Variants in TCP11 observed in about 807,000 individuals in gnomAD.
TCP11 encodes the protein T-complex protein 11 homolog.
TCP11 carries 34 observed loss-of-function variants against 45.0 expected under a neutral mutation model. That is an observed-to-expected ratio of 0.76 (90% CI 0.57 to 1.01). The LOEUF is 1.01. Among genes scored for constraint, TCP11 ranks in the 50% least tolerant of loss-of-function variants. The probability of loss-of-function intolerance (pLI) is 0.00; values close to 1 mark genes in which losing one functional copy is unlikely to be tolerated. For missense variants in TCP11, 523 were observed against 598.1 expected (o/e 0.87, Z 1.31); for synonymous variants, 227 against 227.0 (o/e 1.00, Z 0.00).
chr6:35,131,620 C>T (rs982129415), intron 3 of TCP11, among the ~76,000 whole-genome samples: 7 of 151,952 alleles, frequency 4.6e-5, no homozygotes, highest in East Asian at 1.9e-4. Flanking sequence ...GAAAAATAAG[C>T]CATCAAGCCA....
At chr6:35,129,776 GTTTTA>G (rs1281207331) in intron 3 of TCP11, among the ~76,000 whole-genome samples, 2 of 151,882 alleles carry the variant, frequency 1.3e-5, no homozygotes, top group East Asian at 1.9e-4. Context: ...AAGGAAATTT[GTTTTA>G]TTTTATTTTT....
In TCP11 at chr6:35,120,333, A is replaced by G. The variant is rs1265433800; in HGVS notation, c.941T>C (p.Leu314Pro). The change falls in exon 8 of 10, where the codon CTG becomes CCG. Residue 314 changes from leucine (L) to proline (P), a missense_variant. By Grantham distance (98) the Leu-to-Pro change is moderately conservative. Coordinates refer to ENST00000311875, the MANE Select transcript of TCP11 (RefSeq NM_001370687.1). The surrounding 1 kb of genome is among the most constrained non-coding windows in gnomAD (Gnocchi z 4.9). ...CTCCTGCAGCCGGGTTCTGTCCATC[A>G]GCAGGGTCTGGGAACCAGGGAAGAA... is the stretch of plus-strand genomic sequence containing the variant. The part of the protein sequence containing the change: ...LENEEFPETL[L>P]MDRTRLQELK... The G allele has an allele frequency of 1.9e-6, 3 of 1,613,486 alleles. No homozygotes were observed. In the African/African-American group the frequency reaches 4.0e-5, roughly 22 times the overall value.
At chr6:35,130,499 G>T (rs115858810) in intron 3 of TCP11, among the ~76,000 whole-genome samples, 2 of 151,920 alleles carry the variant, frequency 1.3e-5, no homozygotes, top group Non-Finnish European at 2.9e-5. Context: ...CTCTTAAAAC[G>T]CAACAATAGG....
chr6:35,121,816 AG>A (rs1227225936), intron 5 of TCP11, among the ~76,000 whole-genome samples: 1 of 144,740 alleles, frequency 6.9e-6, no homozygotes, highest in Non-Finnish European at 1.5e-5. Context: ...TCAAAAAAAA[AG>A]AAAGAAAAAA....
In TCP11 at chr6:35,119,247, GTTC is replaced by G; in HGVS notation, c.1257_1259del (p.Glu419_Asn420delinsAsp). On this transcript the variant is annotated inframe_deletion, in exon 9 of 10. Coordinates refer to ENST00000311875, the MANE Select transcript of TCP11 (RefSeq NM_001370687.1). ...ACTCACCAATAACACTGCAGACACA[GTTC>G]TCCTTCTTGGCAATGTTCTGGAGCT... 1 of 1,614,172 alleles carries G rather than the reference GTTC, an allele frequency of 6.2e-7. No homozygotes were observed. Among genetic ancestry groups the G allele is most frequent in the Non-Finnish European group, 8.5e-7 (1 of 1,180,008 alleles).
chr6:35,137,539 A>G (rs1414119378), intron 2 of TCP11, among the ~76,000 whole-genome samples: 1 of 151,586 alleles, frequency 6.6e-6, no homozygotes, highest in Non-Finnish European at 1.5e-5. Context: ...AAAACTCATT[A>G]CAATATCTTT....
In TCP11 at chr6:35,141,170, CG is replaced by C. The variant is rs113948443; in HGVS notation, c.-15+34del. ...GAGGTGCCCCCCTCGCCCGAAACGC[CG>C]GCCCAGGCCCGCCTCCGGCTCCCAG... is the stretch of plus-strand genomic sequence containing the variant. On this transcript the variant is annotated intron_variant, in intron 1 of 9. Transcript: ENST00000311875. The C allele has an allele frequency of 3.1e-3, 4,135 of 1,330,814 alleles. 124 individuals carry two copies. The African/African-American group carries it at 0.057, about 18-fold the overall frequency. 82.4% of individuals were successfully genotyped at this position (1,330,814 alleles called of 1,614,324 possible).
At position 35,120,831 on chromosome 6, in the gene TCP11, T is replaced by C. The variant is rs35106671; in HGVS notation, c.715+78A>G. On this transcript the variant is annotated intron_variant, in intron 6 of 9. Transcript: ENST00000311875. This position sits in a 1 kb window ranked among gnomAD's most constrained non-coding sequence, Gnocchi z 4.9. Reference sequence around the variant, plus strand: ...GCAACTTTCTATTCCTAAAAAGAGATAGAGTACTCTCTAACATTATAAAAG... The same window carrying C: ...GCAACTTTCTATTCCTAAAAAGAGACAGAGTACTCTCTAACATTATAAAAG... The C allele has an allele frequency of 0.12, 177,780 of 1,508,726 alleles. 11,902 individuals carry two copies. The highest frequency in any genetic ancestry group is 0.14 in the Non-Finnish European group (153,859 of 1,119,920). 93.5% of individuals were successfully genotyped at this position (1,508,726 alleles called of 1,614,324 possible). A position where few individuals can be genotyped will look rare whatever the true frequency, so the allele number is the denominator to read the frequency against.
intron 5 of TCP11, among the ~76,000 whole-genome samples, chr6:35,121,390 C>G (rs728238): frequency 4.0e-5 from 6 of 150,584 alleles, no homozygotes; most frequent in Middle Eastern, 6.5e-3. Flanking sequence ...TTCTGACTCA[C>G]TGGACCAACT....
chr6:35,136,379 G>A (rs1423136474), intron 2 of TCP11, among the ~76,000 whole-genome samples, 161 bp from the exon 3 acceptor site: 3 of 151,318 alleles, frequency 2.0e-5, no homozygotes, highest in Non-Finnish European at 4.4e-5. Context: ...TATGCCCCAC[G>A]ACAGTGCTAG....
intron 4 of TCP11, among the ~76,000 whole-genome samples, chr6:35,127,743 A>C (rs974467129): frequency 3.3e-5 from 5 of 152,190 alleles, no homozygotes; most frequent in African/African-American, 9.7e-5. Context: ...GGATACAATA[A>C]CTATTTGGGC....
At position 35,120,715 on chromosome 6, in the gene TCP11, C is replaced by A; in HGVS notation, c.716-69G>T. 1.3e-6 allele frequency: 2 copies of A among 1,490,836 alleles called. No individual in the cohort carries two copies. Among genetic ancestry groups the A allele is most frequent in the East Asian group, 2.3e-5 (1 of 44,006 alleles). 92.4% of individuals were successfully genotyped at this position (1,490,836 alleles called of 1,614,324 possible). On this transcript the variant is annotated intron_variant, in intron 6 of 9. Coordinates refer to ENST00000311875, the MANE Select transcript of TCP11 (RefSeq NM_001370687.1). The surrounding 1 kb of genome is among the most constrained non-coding windows in gnomAD (Gnocchi z 4.9). ...TCTCTGAGGCTTCAAGACCAAGGTT[C>A]TTTTCAAGTATACTCCTGGTCAATA...
At chr6:35,141,007 C>A in intron 1 of TCP11, 123 bp from the exon 2 acceptor site, 1 of 1,300,126 alleles carries the variant, frequency 7.7e-7, no homozygotes, top group Non-Finnish European at 1.0e-6. Context: ...TGCTGAGGGG[C>A]AGAAAGGGGC....
rs1780133684 is a variant in TCP11, at chr6:35,129,103, CA to C, written c.315del (p.Asp106ThrfsTer9). The C allele has an allele frequency of 6.2e-7, 1 of 1,614,114 alleles. No individual in the cohort carries two copies. Among genetic ancestry groups the C allele is most frequent in the East Asian group, 2.2e-5 (1 of 44,880 alleles). On this transcript the variant is annotated frameshift_variant, in exon 4 of 10. Coordinates refer to ENST00000311875, the MANE Select transcript of TCP11 (RefSeq NM_001370687.1). LOFTEE classifies it high-confidence loss of function. ...HLKEQLSATP[P>X]DFSCALELLK... The stretch of plus-strand genomic sequence containing the variant: ...AGAAGTTCAAGAGCACAGCTGAAGT[CA>C]GGGGGAGTTGCTGATAGTTGCTCTT...
rs909705630 is a variant in TCP11 at position 35,121,181 on chromosome 6, CAT to C, written c.579-138_579-137del. Reference sequence around the variant, plus strand: ...TACCTCCTACATTTTCAGAAGATAACATGTGGCCCAGAACCCAATACCCAGGG... The same window carrying C: ...TACCTCCTACATTTTCAGAAGATAACGTGGCCCAGAACCCAATACCCAGGG... On this transcript the variant is annotated intron_variant, in intron 5 of 9. Transcript: ENST00000311875. The C allele has an allele frequency of 1.5e-4, 152 of 1,044,678 alleles. 1 individual carries two copies. The African/African-American group carries it at 2.0e-3, about 14-fold the overall frequency. The allele number at this position is 1,044,678 out of a possible 1,614,324, so 64.7% of individuals were successfully genotyped here.
chr6:35,123,227 A>G (rs1267038484), intron 4 of TCP11, among the ~76,000 whole-genome samples: 2 of 152,134 alleles, frequency 1.3e-5, no homozygotes, highest in Non-Finnish European at 2.9e-5. Context: ...CTGCCTCTTG[A>G]TTGGCTCTGA....
chr6:35,135,208 C>CA (rs1780933114), intron 3 of TCP11, among the ~76,000 whole-genome samples: 1 of 151,334 alleles, frequency 6.6e-6, no homozygotes, highest in South Asian at 2.1e-4. Flanking sequence ...GATCAGGTAA[C>CA]AAAAAGACTG....
At chr6:35,134,731 T>C (rs1293993956) in intron 3 of TCP11, among the ~76,000 whole-genome samples, 1 of 152,246 alleles carries the variant, frequency 6.6e-6, no homozygotes, top group East Asian at 1.9e-4. Context: ...ATTTTCTATA[T>C]GCACTTGGTT....
In TCP11 at chr6:35,119,363, C is replaced by T. The variant is rs750433913; in HGVS notation, c.1144G>A (p.Glu382Lys). ...TGATGGATTTCCTGAGATACCTGTTCACTCACAGTCAGTATAGCTTCCTCA... is the reference window on the plus strand; with the variant it reads ...TGATGGATTTCCTGAGATACCTGTTTACTCACAGTCAGTATAGCTTCCTCA... ...RPEEAILTVS[E>K]QVSQEIHQSL... The change falls in exon 9 of 10, where the codon GAA (glutamate) becomes AAA (lysine). Residue 382 changes from glutamate to lysine, a missense_variant. Coordinates refer to ENST00000311875, the MANE Select transcript of TCP11 (RefSeq NM_001370687.1). 1 of 1,614,086 alleles carries T rather than the reference C, an allele frequency of 6.2e-7. No individual in the cohort carries two copies. The highest frequency in any genetic ancestry group is 1.1e-5 in the South Asian group (1 of 91,080).
Sources: allele counts gnomAD v4.1 joint callset (sites outside exome capture counted in the v4.1 genomes callset), GRCh38; gene constraint gnomAD v4.1.1; non-coding constraint Gnocchi (gnomAD v3.1); transcripts MANE v1.5; gene names NCBI Gene and HGNC (gene_info 2026-07-23, HGNC 2026-07-21).